DIAPH2: variants seen among roughly 807,000 people sequenced by gnomAD.
DIAPH2 encodes the protein diaphanous related formin 2, also known as protein diaphanous homolog 2.
DIAPH2 carries 35 observed loss-of-function variants against 92.7 expected under a neutral mutation model. The observed-to-expected ratio is 0.38, with a 90% CI of 0.29 to 0.50. DIAPH2 has a LOEUF of 0.50. DIAPH2 is among the 20% of genes least tolerant of loss of function. DIAPH2 has a pLI of 0.94. For synonymous variants in DIAPH2, 301 were observed against 280.4 expected (o/e 1.07, Z -0.73); for missense variants, 701 against 819.5 (o/e 0.86, Z 1.77).
intron 26 of DIAPH2, among the ~76,000 whole-genome samples, chrX:97,508,006 T>A (rs1392675437): frequency 2.7e-5 from 3 of 111,156 alleles, no homozygotes; most frequent in Non-Finnish European, 5.7e-5. Context: ...AGTGTCAAAG[T>A]TCTCCACTCA....
chrX:97,265,953 C>CT lies in DIAPH2; in HGVS notation c.2844+18117dup, dbSNP rs1414938294. 2.7e-5 allele frequency among the ~76,000 whole-genome samples: 3 copies of CT among 112,154 alleles called. No individual in the cohort carries two copies. In the East Asian group the frequency reaches 8.4e-4, roughly 31 times the overall value. On this transcript the variant is annotated intron_variant, in intron 23 of 26. Transcript: ENST00000324765. ...ATGTTTACTGTTAATTCTCACTGCTCTTTCTCGGTTTCTTGCAAGGCATTG... is the reference window on the plus strand; with the variant it reads ...ATGTTTACTGTTAATTCTCACTGCTCTTTTCTCGGTTTCTTGCAAGGCATTG...
At chrX:97,173,529 G>A in intron 22 of DIAPH2, among the ~76,000 whole-genome samples, 1 of 112,109 alleles carries the variant, frequency 8.9e-6, no homozygotes, top group Non-Finnish European at 1.9e-5. Context: ...ACTAGCATAT[G>A]TGGATGCATA....
At chrX:97,001,623 G>A (rs1231543927) in intron 17 of DIAPH2, among the ~76,000 whole-genome samples, 1 of 111,316 alleles carries the variant, frequency 9.0e-6, no homozygotes, top group Non-Finnish European at 1.9e-5. Flanking sequence ...TCCAGCCCGG[G>A]CAACAATGTG....
intron 17 of DIAPH2, among the ~76,000 whole-genome samples, chrX:97,064,105 A>G (rs888162410): frequency 8.9e-6 from 1 of 112,171 alleles, no homozygotes; most frequent in Non-Finnish European, 1.9e-5. Context: ...CAACATTCCT[A>G]TGAAGCAGGT....
chrX:97,032,897 A>G (rs1347434849), intron 17 of DIAPH2, among the ~76,000 whole-genome samples: 1 of 111,551 alleles, frequency 9.0e-6, no homozygotes, highest in African/African-American at 3.2e-5. Flanking sequence ...ATAATTCAGT[A>G]TCTCTATTGG....
chrX:97,336,243 CTTT>C (rs1186112131), intron 23 of DIAPH2, among the ~76,000 whole-genome samples: 2 of 91,744 alleles, frequency 2.2e-5, no homozygotes, highest in Admixed American at 1.2e-4. Context: ...CTTTTCTTTT[CTTT>C]TTTTTTTTTT....
chrX:97,255,290 T>C (rs1302253277), intron 23 of DIAPH2, among the ~76,000 whole-genome samples: 1 of 112,118 alleles, frequency 8.9e-6, no homozygotes, highest in Non-Finnish European at 1.9e-5. Context: ...GATTGTAAAC[T>C]GATTTAAAAA....
At position 97,600,408 on chromosome X, in the gene DIAPH2, T is replaced by TTATG. The variant is rs1347228034; in HGVS notation, c.*1101_*1104dup. ...GTGGTCTGAAGAAGAAAAAGAAATT[T>TTATG]TATGTATGTATGTGTAAATATGTGT... On this transcript the variant is annotated 3_prime_UTR_variant, in exon 27 of 27. Transcript: ENST00000324765. The TTATG allele has an allele frequency of 1.8e-5, 2 of 111,725 alleles. No individual in the cohort carries two copies. Among genetic ancestry groups the TTATG allele is most frequent in the African/African-American group, 3.3e-5 (1 of 30,203 alleles). 9.2% of individuals were successfully genotyped at this position (111,725 alleles called of 1,213,427 possible).
chrX:96,760,055 T>G (rs2147600841), intron 4 of DIAPH2, among the ~76,000 whole-genome samples: 1 of 111,526 alleles, frequency 9.0e-6, no homozygotes, highest in African/African-American at 3.2e-5. Context: ...TTAAGGGCCC[T>G]TATTTGTTTC....
At chrX:97,456,074 C>T (rs2070401141) in intron 26 of DIAPH2, among the ~76,000 whole-genome samples, 1 of 112,259 alleles carries the variant, frequency 8.9e-6, no homozygotes, top group African/African-American at 3.2e-5. Context: ...CAGAAATGCT[C>T]ATGTCCTCCT....
At chrX:97,544,682 G>T (rs1328614151) in intron 26 of DIAPH2, among the ~76,000 whole-genome samples, 1 of 111,466 alleles carries the variant, frequency 9.0e-6, no homozygotes, top group East Asian at 2.8e-4. Context: ...TAACAGTTTT[G>T]GTTCAAGGGT....
intron 26 of DIAPH2, among the ~76,000 whole-genome samples, chrX:97,472,098 C>G (rs2070568869): frequency 8.9e-6 from 1 of 112,074 alleles, no homozygotes; most frequent in Admixed American, 9.5e-5. Flanking sequence ...TCAAATAAGT[C>G]TGATAACACT....
intron 23 of DIAPH2, among the ~76,000 whole-genome samples, chrX:97,292,593 C>G (rs924976056): frequency 2.8e-5 from 3 of 105,472 alleles, no homozygotes; most frequent in South Asian, 8.9e-4. Flanking sequence ...TGTCACCAGG[C>G]TGGAGTGCAG....
At chrX:96,748,912 A>G (rs1357642460) in intron 3 of DIAPH2, among the ~76,000 whole-genome samples, 3 of 111,048 alleles carry the variant, frequency 2.7e-5, no homozygotes, top group Non-Finnish European at 5.7e-5. Context: ...TATGAATTTC[A>G]GTGTCCACAA....
intron 20 of DIAPH2, among the ~76,000 whole-genome samples, chrX:97,105,901 A>G (rs1030235094): frequency 9.0e-6 from 1 of 111,577 alleles, no homozygotes; most frequent in Non-Finnish European, 1.9e-5. Context: ...GCACATTTAA[A>G]TTTTTTTTAC....
At position 97,323,890 on chromosome X, in the gene DIAPH2, C is replaced by T. The variant is rs761607816; in HGVS notation, c.2845-24226C>T. 1.4e-4 allele frequency among the ~76,000 whole-genome samples: 12 copies of T among 84,842 alleles called. 1 individual carries two copies. Among genetic ancestry groups the T allele is most frequent in the Middle Eastern group, 8.1e-3 (1 of 123 alleles). The allele number at this position is 84,842 out of a possible 115,157, so 73.7% of individuals were successfully genotyped here. A position where few individuals can be genotyped will look rare whatever the true frequency, so the allele number is the denominator to read the frequency against. On this transcript the variant is annotated intron_variant, in intron 23 of 26. Transcript: ENST00000324765. ...TGCACCCCAGCCTGGGCAACAGGAG[C>T]GAAACTCTGTCTCAAAAAAAAAAAA...
intron 22 of DIAPH2, among the ~76,000 whole-genome samples, chrX:97,175,572 C>T (rs187697712): frequency 1.2e-3 from 131 of 111,925 alleles, no homozygotes; most frequent in African/African-American, 4.2e-3. Context: ...AGAATGGGGC[C>T]TGAATGGCAA....
At chrX:97,329,537 TATAA>T (rs2068978764) in intron 23 of DIAPH2, among the ~76,000 whole-genome samples, 1 of 111,691 alleles carries the variant, frequency 9.0e-6, no homozygotes, top group Non-Finnish European at 1.9e-5. Flanking sequence ...CACTGGTGTA[TATAA>T]CCTGTTCTAT....
chrX:97,514,916 T>G (rs2147840540), intron 26 of DIAPH2, among the ~76,000 whole-genome samples: 1 of 111,564 alleles, frequency 9.0e-6, no homozygotes, highest in African/African-American at 3.2e-5. Context: ...TCTTCAAAGC[T>G]GTCAGACAGG....
Sources: allele counts gnomAD v4.1 joint callset (sites outside exome capture counted in the v4.1 genomes callset), GRCh38; gene constraint gnomAD v4.1.1; transcripts MANE v1.5; gene names NCBI Gene and HGNC (gene_info 2026-07-23, HGNC 2026-07-21).